Variants in DNAH7 observed in about 807,000 individuals in gnomAD.
DNAH7 encodes dynein axonemal heavy chain 7, also known as axonemal beta dynein heavy chain 7.
Under a neutral mutation model 444.6 loss-of-function variants are expected in DNAH7, and 397 were observed. The ratio of observed to expected loss-of-function variants is 0.89; its 90% confidence interval spans 0.82 to 0.97. The LOEUF (loss-of-function observed/expected upper bound fraction) is 0.97, where lower values mean the gene tolerates loss of function less well. DNAH7 is among the 50% of genes least tolerant of loss of function. DNAH7 has a pLI of 0.00. For missense variants in DNAH7, 4,902 were observed against 4,800.8 expected (o/e 1.02, Z -0.62); for synonymous variants, 1,636 against 1,624.4 (o/e 1.01, Z -0.17).
At chr2:196,032,064 C>T (rs780787170) in intron 5 of DNAH7, among the ~76,000 whole-genome samples, 2 of 152,160 alleles carry the variant, frequency 1.3e-5, no homozygotes, top group Non-Finnish European at 2.9e-5. Context: ...ATAGAACTTA[C>T]AGTTCCACGT....
chr2:195,967,870 T>C (rs536872037), intron 17 of DNAH7, among the ~76,000 whole-genome samples: 2 of 152,348 alleles, frequency 1.3e-5, no homozygotes, highest in South Asian at 4.1e-4. Flanking sequence ...TACTTGAATA[T>C]TGGCATCTTT....
intron 10 of DNAH7, among the ~76,000 whole-genome samples, chr2:196,002,559 G>T (rs1230717292): frequency 6.6e-6 from 1 of 152,116 alleles, no homozygotes; most frequent in African/African-American, 2.4e-5. Flanking sequence ...TTTTATAAGA[G>T]ATAATGAATT....
chr2:195,849,512 T>C (rs373023945), intron 46 of DNAH7, among the ~76,000 whole-genome samples: 1 of 152,188 alleles, frequency 6.6e-6, no homozygotes, highest in African/African-American at 2.4e-5. Flanking sequence ...GAGGAACAGA[T>C]GGTATTGCTA....
At chr2:195,798,710 A>AT (rs763153016) in intron 55 of DNAH7, among the ~76,000 whole-genome samples, 6 of 150,158 alleles carry the variant, frequency 4.0e-5, no homozygotes, top group South Asian at 2.1e-4. Flanking sequence ...CGCCCAGCTA[A>AT]TTTTTTTTTG....
intron 5 of DNAH7, among the ~76,000 whole-genome samples, chr2:196,028,664 C>T (rs1319685523): frequency 1.3e-5 from 2 of 152,138 alleles, no homozygotes; most frequent in African/African-American, 4.8e-5. Context: ...CTGCACTGGG[C>T]AGAAAGGCAT....
chr2:195,741,455 A>G (rs566735394), intron 63 of DNAH7, among the ~76,000 whole-genome samples: 2 of 152,324 alleles, frequency 1.3e-5, no homozygotes, highest in South Asian at 4.1e-4. Flanking sequence ...AATTTAGGCA[A>G]TCAGTGAAAC....
intron 63 of DNAH7, chr2:195,741,136 CAGTG>C (rs537483224): frequency 3.1e-4 from 58 of 188,860 alleles, no homozygotes; most frequent in African/African-American, 1.3e-3. Context: ...GGGAAGTTCT[CAGTG>C]TGTGTGTGTG....
chr2:195,799,778 A>T (rs950740090), intron 54 of DNAH7, among the ~76,000 whole-genome samples: 29 of 152,248 alleles, frequency 1.9e-4, no homozygotes, highest in Non-Finnish European at 4.4e-5. Context: ...CTTAAGTTAT[A>T]AAACACTAAT....
At chr2:195,803,120 T>G (rs1357755605) in intron 54 of DNAH7, among the ~76,000 whole-genome samples, 1 of 152,256 alleles carries the variant, frequency 6.6e-6, no homozygotes, top group African/African-American at 2.4e-5. Flanking sequence ...ATAGCTGGTC[T>G]TTTCTCGATA....
Position 195,888,325 on chromosome 2 carries a change from T to A in DNAH7, c.5339A>T (p.Glu1780Val). The A allele has an allele frequency of 6.2e-7, 1 of 1,611,416 alleles. No individual in the cohort carries two copies. The highest frequency in any genetic ancestry group is 8.5e-7 in the Non-Finnish European group (1 of 1,179,074). ...TCTGTCAAATAAGCCCATTATGAATTCCTTTTGAATAACACTGACTGACGC... is the reference window on the plus strand; with the variant it reads ...TCTGTCAAATAAGCCCATTATGAATACCTTTTGAATAACACTGACTGACGC... ...LPASVSVIQKEFIMGLFDRMV... is the reference protein window; with the variant it reads ...LPASVSVIQKVFIMGLFDRMV... The change falls in exon 33 of 65, where the codon GAA (glutamate) becomes GTA (valine). Residue 1780 changes from glutamate (E) to valine (V), a missense_variant. Coordinates refer to ENST00000312428, the MANE Select transcript of DNAH7 (RefSeq NM_018897.3).
chr2:195,907,046 C>A, intron 25 of DNAH7, 37 bp from the exon 26 acceptor site: 1 of 1,505,494 alleles, frequency 6.6e-7, no homozygotes, highest in Middle Eastern at 1.7e-4. Context: ...TTGACTTTAT[C>A]TGATTCAATG....
chr2:195,934,574 T>C lies in DNAH7; in HGVS notation c.3471+17A>G. ...TTCTAGCATCCTTTTCTAAAAATCA[T>C]CAGTATAATCAGCTACCTTGTGGAT... is the stretch of plus-strand genomic sequence containing the variant. On this transcript the variant is annotated intron_variant, in intron 21 of 64. Coordinates refer to ENST00000312428, the MANE Select transcript of DNAH7 (RefSeq NM_018897.3). 1 of 1,606,692 alleles carries C rather than the reference T, an allele frequency of 6.2e-7. No homozygotes were observed. The highest frequency in any genetic ancestry group is 1.3e-5 in the African/African-American group (1 of 74,744).
intron 51 of DNAH7, among the ~76,000 whole-genome samples, chr2:195,811,412 A>G (rs1696962116): frequency 6.6e-6 from 1 of 152,172 alleles, no homozygotes; most frequent in Admixed American, 6.5e-5. Context: ...TTGCAGTGGT[A>G]TGATCATAAC....
At chr2:195,974,972 T>C (rs1692086774) in intron 15 of DNAH7, among the ~76,000 whole-genome samples, 2 of 152,310 alleles carry the variant, frequency 1.3e-5, no homozygotes, top group South Asian at 2.1e-4. Flanking sequence ...TTCCTGTGTA[T>C]AGAAAGTTTT....
At chr2:195,738,829 GATAGGA>G (rs1559060357) in intron 64 of DNAH7, among the ~76,000 whole-genome samples, 1 of 152,182 alleles carries the variant, frequency 6.6e-6, no homozygotes, top group African/African-American at 2.4e-5. Context: ...TCCTCGAGAT[GATAGGA>G]CTTGACAGCC....
chr2:195,834,513 G>T, intron 47 of DNAH7, 153 bp from the exon 48 acceptor site: 1 of 820,530 alleles, frequency 1.2e-6, no homozygotes, highest in Non-Finnish European at 1.7e-6. Context: ...TTAAAACAGA[G>T]ACGTGTAGAT....
chr2:195,896,294 T>C (rs989586298), intron 29 of DNAH7, among the ~76,000 whole-genome samples: 1 of 152,202 alleles, frequency 6.6e-6, no homozygotes, highest in African/African-American at 2.4e-5. Flanking sequence ...TTACCTGTGC[T>C]TAGGCCATAT....
Position 195,881,895 on chromosome 2 carries a change from T to A in DNAH7, c.5861A>T (p.Asp1954Val), listed in dbSNP as rs142394393. 1 of 1,613,866 alleles carries A rather than the reference T, an allele frequency of 6.2e-7. No homozygotes were observed. ...MFNEIIVPTL[D>V]TIRYSALMEL... The stretch of plus-strand genomic sequence containing the variant: ...CATTAATGCAGAGTATCGAATTGTG[T>A]CCAGAGTTGGCACAATGATTTCATT... The change falls in exon 36 of 65, where the codon GAC (aspartate) becomes GTC (valine). Residue 1954 changes from aspartate to valine, a missense_variant. Asp to Val is a radical substitution (Grantham distance 152, BLOSUM62 -3). Coordinates refer to ENST00000312428, the MANE Select transcript of DNAH7 (RefSeq NM_018897.3).
chr2:195,952,531 T>C (rs1690336109), intron 19 of DNAH7, among the ~76,000 whole-genome samples: 1 of 152,228 alleles, frequency 6.6e-6, no homozygotes, highest in Admixed American at 6.5e-5. Context: ...TTTTCCAGCT[T>C]GGTTCCATTC....
Sources: gnomAD v4.1 joint callset for allele counts (sites outside exome capture counted in the v4.1 genomes callset) on GRCh38, gnomAD v4.1.1 for gene constraint, MANE v1.5 for transcripts, NCBI Gene and HGNC (gene_info 2026-07-23, HGNC 2026-07-21) for gene names.